The following MIPOL1 variants were observed in gnomAD, a reference collection of about 807,000 sequenced individuals.
MIPOL1 encodes mirror-image polydactyly gene 1 protein.
A neutral mutation model predicts 60.9 loss-of-function variants in MIPOL1; 57 were observed. The observed-to-expected ratio is 0.94, with a 90% confidence interval of 0.76 to 1.17. MIPOL1 has a LOEUF of 1.17. Among genes scored for constraint, MIPOL1 ranks in the 50% most tolerant of loss-of-function variants. The pLI is 0.00. For missense variants in MIPOL1, 551 were observed against 511.6 expected (o/e 1.08, Z -0.74); for synonymous variants, 179 against 168.8 (o/e 1.06, Z -0.47).
intron 10 of MIPOL1, among the ~76,000 whole-genome samples, chr14:37,417,309 C>G (rs1354087079): frequency 1.3e-5 from 2 of 152,168 alleles, no homozygotes; most frequent in African/African-American, 4.8e-5. Context: ...CTTTTCTTCT[C>G]TCTCTCATCA....
At chr14:37,521,453 C>T (rs1414403254) in intron 12 of MIPOL1, among the ~76,000 whole-genome samples, 1 of 152,012 alleles carries the variant, frequency 6.6e-6, no homozygotes, top group Admixed American at 6.6e-5. Context: ...TTATAGATCT[C>T]GTGAAGAGAA....
At chr14:37,223,540 T>A (rs1428762588) in intron 1 of MIPOL1, among the ~76,000 whole-genome samples, 1 of 151,996 alleles carries the variant, frequency 6.6e-6, no homozygotes, top group Non-Finnish European at 1.5e-5. Flanking sequence ...GTCACTCTCA[T>A]TGCCCAGGCT....
chr14:37,543,442 AT>A (rs891942954), intron 12 of MIPOL1, among the ~76,000 whole-genome samples: 1 of 151,598 alleles, frequency 6.6e-6, no homozygotes, highest in Non-Finnish European at 1.5e-5. Flanking sequence ...CACCTGGCTA[AT>A]TTTTTTTATT....
chr14:37,271,146 AT>A, intron 6 of MIPOL1, among the ~76,000 whole-genome samples: 1 of 152,130 alleles, frequency 6.6e-6, no homozygotes. Flanking sequence ...TTTTAAATGT[AT>A]TTTTGATATG....
At chr14:37,245,763 T>G (rs1973104437) in intron 1 of MIPOL1, among the ~76,000 whole-genome samples, 1 of 152,218 alleles carries the variant, frequency 6.6e-6, no homozygotes, top group African/African-American at 2.4e-5. Flanking sequence ...AGAAAGGCAA[T>G]GGGATGATAC....
chr14:37,245,647 G>T (rs1390041523), intron 1 of MIPOL1, among the ~76,000 whole-genome samples: 1 of 152,122 alleles, frequency 6.6e-6, no homozygotes, highest in African/African-American at 2.4e-5. Context: ...AAATATTGGT[G>T]TAGTGTTAAG....
intron 1 of MIPOL1, among the ~76,000 whole-genome samples, chr14:37,198,808 A>C (rs1186533197): frequency 6.6e-6 from 1 of 152,184 alleles, no homozygotes; most frequent in African/African-American, 2.4e-5. Flanking sequence ...CAAAGGGCCA[A>C]ACAAAACTAC....
intron 11 of MIPOL1, among the ~76,000 whole-genome samples, chr14:37,426,604 C>CAT (rs1488716081): frequency 1.5e-5 from 1 of 68,158 alleles, no homozygotes; most frequent in Non-Finnish European, 3.3e-5. Context: ...TACACACACA[C>CAT]ATACATATAT....
chr14:37,485,909 G>A (rs1385161809), intron 11 of MIPOL1, among the ~76,000 whole-genome samples: 1 of 152,132 alleles, frequency 6.6e-6, no homozygotes, highest in Non-Finnish European at 1.5e-5. Context: ...CTTTGCCCAT[G>A]CCTGTGTCCT....
intron 6 of MIPOL1, among the ~76,000 whole-genome samples, chr14:37,284,531 G>A (rs983425762): frequency 6.6e-6 from 1 of 151,962 alleles, no homozygotes; most frequent in Non-Finnish European, 1.5e-5. Context: ...TTTTAGTAGA[G>A]ACGGGGTTTC....
chr14:37,329,465 A>C (rs913771679), intron 9 of MIPOL1, among the ~76,000 whole-genome samples: 7 of 152,158 alleles, frequency 4.6e-5, no homozygotes, highest in Non-Finnish European at 8.8e-5. Context: ...CAACTTGTTG[A>C]TACTTTGATT....
At chr14:37,460,946 T>G (rs2094532182) in intron 11 of MIPOL1, among the ~76,000 whole-genome samples, 1 of 152,156 alleles carries the variant, frequency 6.6e-6, no homozygotes, top group African/African-American at 2.4e-5. Flanking sequence ...ATATACAGAT[T>G]CAACATAATT....
intron 1 of MIPOL1, among the ~76,000 whole-genome samples, chr14:37,238,430 C>G (rs1290965169): frequency 2.0e-5 from 3 of 152,122 alleles, no homozygotes; most frequent in African/African-American, 7.2e-5. Context: ...AAACAAACTT[C>G]CCTCAGGAGG....
intron 7 of MIPOL1, among the ~76,000 whole-genome samples, chr14:37,290,966 T>C (rs1567305422): frequency 6.6e-6 from 1 of 152,246 alleles, no homozygotes; most frequent in African/African-American, 2.4e-5. Context: ...ATGTGGTATT[T>C]AGTTTTCTGT....
At chr14:37,313,137 A>G (rs1456892425) in intron 9 of MIPOL1, among the ~76,000 whole-genome samples, 2 of 38,350 alleles carry the variant, frequency 5.2e-5, no homozygotes, top group African/African-American at 8.3e-5. Flanking sequence ...ACATTTGACA[A>G]ATAAATCATA....
chr14:37,421,660 A>T lies in MIPOL1; in HGVS notation c.937-1195A>T, dbSNP rs181958681. Among the ~76,000 whole-genome samples the T allele has an allele frequency of 5.5e-4, 83 of 152,214 alleles. 2 individuals carry two copies. The highest frequency in any genetic ancestry group is 5.4e-3 in the Admixed American group (83 of 15,272). ...AACTATAAAGTAACACTTGGATAGAATTTACCAGTTCAGAGAACAGATTAA... is the reference window on the plus strand; with the variant it reads ...AACTATAAAGTAACACTTGGATAGATTTTACCAGTTCAGAGAACAGATTAA... On this transcript the variant is annotated intron_variant, in intron 10 of 12. Transcript: ENST00000684589.
chr14:37,416,575 G>A (rs548431838), intron 10 of MIPOL1, among the ~76,000 whole-genome samples: 3 of 152,266 alleles, frequency 2.0e-5, no homozygotes, highest in South Asian at 2.1e-4. Context: ...TATAGGTGTT[G>A]TATTCTTATG....
In MIPOL1 at chr14:37,548,227, C is replaced by T. The variant is rs1292115318; in HGVS notation, c.*1256C>T. ...TAAATTATCTACCATTGCCTATTTA[C>T]AGGATAAGTACATTCAGGACAATTT... On this transcript the variant is annotated 3_prime_UTR_variant, in exon 13 of 13. Coordinates refer to ENST00000684589, the MANE Select transcript of MIPOL1 (RefSeq NM_001388067.1). 2.6e-5 allele frequency: 4 copies of T among 151,944 alleles called. 1 individual carries two copies. The South Asian group carries it at 8.3e-4, about 31-fold the overall frequency. The allele number at this position is 151,944 out of a possible 1,614,324, so 9.4% of individuals were successfully genotyped here.
At chr14:37,378,010 T>C (rs1011010367) in intron 10 of MIPOL1, among the ~76,000 whole-genome samples, 1 of 152,054 alleles carries the variant, frequency 6.6e-6, no homozygotes, top group Non-Finnish European at 1.5e-5. Flanking sequence ...GTCACACCAA[T>C]TGAATGGCTA....
Sources: gnomAD v4.1 joint callset for allele counts (sites outside exome capture counted in the v4.1 genomes callset) on GRCh38, gnomAD v4.1.1 for gene constraint, MANE v1.5 for transcripts, NCBI Gene and HGNC (gene_info 2026-07-23, HGNC 2026-07-21) for gene names.